FBXL20: variants seen among roughly 807,000 people sequenced by gnomAD.
FBXL20 encodes the protein F-box/LRR-repeat protein 20.
FBXL20 carries 11 observed loss-of-function variants against 64.0 expected under a neutral mutation model. The observed-to-expected ratio is 0.17, with a 90% CI of 0.11 to 0.28. FBXL20 has a LOEUF of 0.28. Ranked by LOEUF, FBXL20 falls within the 10% of genes least tolerant of loss-of-function variation. The pLI is 1.00. For missense variants in FBXL20, 303 were observed against 526.2 expected, an observed-to-expected ratio of 0.58 and a Z score of 4.15; for synonymous variants, 184 against 189.0, an observed-to-expected ratio of 0.97 and a Z score of 0.22.
At chr17:39,394,451 G>A (rs1052567799) in intron 1 of FBXL20, among the ~76,000 whole-genome samples, 4 of 149,850 alleles carry the variant, frequency 2.7e-5, no homozygotes, top group African/African-American at 9.8e-5. Context: ...TTTTTTTTTT[G>A]TATTTTTAGT....
In FBXL20 at chr17:39,401,431, C is replaced by T. The variant is rs201853818; in HGVS notation, c.-29G>A. On this transcript the variant is annotated 5_prime_UTR_variant, in exon 1 of 15. Transcript: ENST00000264658. ...GCCGGCGGGTGCGGCCCGGGCCGGG[C>T]GCTGCGGCGAGCGGAGTGCACAGAC... The T allele has an allele frequency of 2.6e-4, 414 of 1,577,052 alleles. 3 individuals are homozygous for T. Among genetic ancestry groups the T allele is most frequent in the South Asian group, 9.2e-4 (80 of 87,104 alleles).
At chr17:39,370,661 A>G (rs796724123) in intron 1 of FBXL20, among the ~76,000 whole-genome samples, 5 of 148,084 alleles carry the variant, frequency 3.4e-5, no homozygotes, top group East Asian at 2.0e-4. Flanking sequence ...CGGGCGTGGT[A>G]GCGGGCGCCT....
chr17:39,357,585 C>G (rs901928596), intron 1 of FBXL20, among the ~76,000 whole-genome samples: 4 of 152,196 alleles, frequency 2.6e-5, no homozygotes, highest in African/African-American at 9.6e-5. Context: ...CTTACTATGT[C>G]ACCCAGGCTA....
chr17:39,365,231 C>CAA (rs1021180542), intron 1 of FBXL20, among the ~76,000 whole-genome samples: 1 of 152,008 alleles, frequency 6.6e-6, no homozygotes. Flanking sequence ...TATGCCATTC[C>CAA]TTCATTCAAC....
rs2046699495 is a variant in FBXL20 at position 39,256,763 on chromosome 17, A to G, written c.*4697T>C. 1 of 152,148 alleles carries G rather than the reference A, an allele frequency of 6.6e-6. No individual in the cohort carries two copies. Among genetic ancestry groups the G allele is most frequent in the Non-Finnish European group, 1.5e-5 (1 of 68,026 alleles). The allele number at this position is 152,148 out of a possible 1,614,324, so 9.4% of individuals were successfully genotyped here. On this transcript the variant is annotated 3_prime_UTR_variant, in exon 15 of 15. Coordinates refer to ENST00000264658, the MANE Select transcript of FBXL20 (RefSeq NM_032875.3). ...TGACTTTCAGCACAATAAACATAAA[A>G]TGGCCAAGGGTCACCCATGACCCAT...
intron 2 of FBXL20, among the ~76,000 whole-genome samples, chr17:39,331,147 C>T (rs573814880): frequency 1.7e-3 from 260 of 152,304 alleles, no homozygotes; most frequent in African/African-American, 6.1e-3. Flanking sequence ...CGCTCTGCGC[C>T]CAGGCTAGAG....
intron 2 of FBXL20, among the ~76,000 whole-genome samples, chr17:39,325,521 GA>G (rs2047400979): frequency 6.6e-6 from 1 of 152,166 alleles, no homozygotes; most frequent in Non-Finnish European, 1.5e-5. Flanking sequence ...ATTAAAGGGA[GA>G]GGGGAATGAC....
chr17:39,311,093 G>C (rs774526105), intron 2 of FBXL20, among the ~76,000 whole-genome samples: 10 of 152,256 alleles, frequency 6.6e-5, no homozygotes, highest in Middle Eastern at 3.4e-3. Context: ...CTTGAACCCA[G>C]GAGTACGAGG....
At chr17:39,398,040 CGGGGGGGGG>C (rs56842905) in intron 1 of FBXL20, among the ~76,000 whole-genome samples, 1 of 56,680 alleles carries the variant, frequency 1.8e-5, no homozygotes, top group African/African-American at 5.4e-5. Flanking sequence ...GGCCGGCGGG[CGGGGGGGGG>C]GGGGGGGTTG....
chr17:39,359,314 C>T (rs369958213), intron 1 of FBXL20, among the ~76,000 whole-genome samples: 11 of 152,084 alleles, frequency 7.2e-5, no homozygotes, highest in Non-Finnish European at 1.2e-4. Context: ...CCAGCCTGAG[C>T]GTGGGTGACA....
At chr17:39,317,701 G>GTTT (rs1238194174) in intron 2 of FBXL20, among the ~76,000 whole-genome samples, 13 of 44,288 alleles carry the variant, frequency 2.9e-4, no homozygotes, top group South Asian at 6.0e-4. Context: ...TTTTTTTTTT[G>GTTT]TTTTTTTTTT....
Position 39,338,029 on chromosome 17 carries a change from G to A in FBXL20, c.104+5151C>T, listed in dbSNP as rs567680856. On this transcript the variant is annotated intron_variant, in intron 2 of 14. Coordinates refer to ENST00000264658, the MANE Select transcript of FBXL20 (RefSeq NM_032875.3). ...CCTCTGCCCGGCCACCACCCCGTCT[G>A]GGAGCTGTACCCAACAGCTCATTGA... Among the ~76,000 whole-genome samples the A allele has an allele frequency of 4.6e-5, 7 of 152,322 alleles. No homozygotes were observed. The South Asian group carries it at 1.2e-3, about 27-fold the overall frequency.
intron 3 of FBXL20, among the ~76,000 whole-genome samples, chr17:39,301,800 G>A (rs935272304): frequency 7.2e-5 from 11 of 152,044 alleles, no homozygotes; most frequent in Non-Finnish European, 1.6e-4. Context: ...GGGAGGCTGA[G>A]GTGGGAGGTG....
In FBXL20 at chr17:39,261,224, A is replaced by T; in HGVS notation, c.*236T>A. 2.3e-6 allele frequency: 1 copy of T among 432,888 alleles called. No homozygotes were observed. Among genetic ancestry groups the T allele is most frequent in the Non-Finnish European group, 4.2e-6 (1 of 237,040 alleles). 26.8% of individuals were successfully genotyped at this position (432,888 alleles called of 1,614,324 possible). A position where few individuals can be genotyped will look rare whatever the true frequency, so the allele number is the denominator to read the frequency against. ...TCAACAGGAATGGTTAAATTTTACC[A>T]ATCTACTTGATAAAAAAGCCATCAC... On this transcript the variant is annotated 3_prime_UTR_variant, in exon 15 of 15. Coordinates refer to ENST00000264658, the MANE Select transcript of FBXL20 (RefSeq NM_032875.3).
chr17:39,292,221 T>G (rs2047045964), intron 6 of FBXL20, among the ~76,000 whole-genome samples: 1 of 150,662 alleles, frequency 6.6e-6, no homozygotes, highest in Non-Finnish European at 1.5e-5. Context: ...AATACCTTTT[T>G]TTCATCTAAT....
At position 39,265,432 on chromosome 17, in the gene FBXL20, G is replaced by T; in HGVS notation, c.955C>A (p.Gln319Lys). The stretch of plus-strand genomic sequence containing the variant: ...AGTCGAGGACAGTGTATAGAAAGTT[G>T]GATTAATGTGCTATCTGTTATCTGA... ...CVQITDSTLI[Q>K]LSIHCPRLQV... is the part of the protein sequence containing the mutation. Residue 319 changes from glutamine to lysine, a missense_variant, in exon 13 of 15, where the codon CAA becomes AAA. This residue lies in a region of FBXL20 where 246 missense variants were observed against 422.6 expected (regional missense o/e 0.58). Transcript: ENST00000264658. 1.2e-6 allele frequency: 2 copies of T among 1,610,622 alleles called. No homozygotes were observed. The highest frequency in any genetic ancestry group is 1.7e-6 in the Non-Finnish European group (2 of 1,177,176).
intron 1 of FBXL20, among the ~76,000 whole-genome samples, chr17:39,400,532 C>A (rs917659040): frequency 5.3e-5 from 8 of 152,162 alleles, no homozygotes; most frequent in African/African-American, 1.9e-4. Flanking sequence ...CCTCAAGGAA[C>A]CTTCCAGTAT....
At chr17:39,388,043 A>AAC in intron 1 of FBXL20, among the ~76,000 whole-genome samples, 1 of 152,346 alleles carries the variant, frequency 6.6e-6, no homozygotes, top group African/African-American at 2.4e-5. Context: ...TCTTGACCAC[A>AAC]ACTTCAGAAC....
At chr17:39,270,013 C>CTGG (rs1379680502) in intron 11 of FBXL20, among the ~76,000 whole-genome samples, 1 of 152,182 alleles carries the variant, frequency 6.6e-6, no homozygotes, top group Non-Finnish European at 1.5e-5. Context: ...TACCATAACA[C>CTGG]TGGTCAAAGT....
Sources: gnomAD v4.1 joint callset for allele counts (sites outside exome capture counted in the v4.1 genomes callset) on GRCh38, gnomAD v4.1.1 for gene constraint, gnomAD v4.1.1 regional missense constraint, MANE v1.5 for transcripts, NCBI Gene and HGNC (gene_info 2026-07-23, HGNC 2026-07-21) for gene names.